The following CARF variants were observed in gnomAD, a reference collection of about 807,000 sequenced individuals.
CARF encodes the protein calcium-responsive transcription factor.
In CARF, 57 loss-of-function variants were observed where a neutral mutation model predicts 82.0. That is an observed-to-expected ratio of 0.70 (90% CI 0.56 to 0.87). CARF has a LOEUF of 0.87. Ranked by LOEUF, CARF falls within the 40% of genes least tolerant of loss-of-function variation. The pLI is 0.00. For missense variants in CARF, 771 were observed against 855.8 expected (o/e 0.90, Z 1.24); for synonymous variants, 268 against 290.1 (o/e 0.92, Z 0.77).
At chr2:202,918,845 A>G (rs933763466) in intron 2 of CARF, among the ~76,000 whole-genome samples, 2 of 152,226 alleles carry the variant, frequency 1.3e-5, no homozygotes, top group African/African-American at 4.8e-5. Context: ...ACTTTTCCGT[A>G]TAGAAACTAC....
chr2:202,941,335 C>A (rs1439521296), intron 3 of CARF, among the ~76,000 whole-genome samples: 2 of 151,910 alleles, frequency 1.3e-5, no homozygotes, highest in Non-Finnish European at 2.9e-5. Context: ...GTATATATTT[C>A]TTCATTTTCT....
At chr2:202,971,799 A>G (rs937494508) in intron 12 of CARF, 61 bp downstream of exon 12, 2 of 1,243,156 alleles carry the variant, frequency 1.6e-6, no homozygotes, top group African/African-American at 1.5e-5. Flanking sequence ...TTTAAATAAT[A>G]CAGTGAACAT....
chr2:202,965,285 G>T (rs184443740), intron 9 of CARF, among the ~76,000 whole-genome samples: 1 of 151,894 alleles, frequency 6.6e-6, no homozygotes, highest in African/African-American at 2.4e-5. Flanking sequence ...ATACCTCCTC[G>T]GTGTGCTGTG....
At chr2:202,916,125 C>T (rs1422712087) in intron 1 of CARF, among the ~76,000 whole-genome samples, 6 of 151,696 alleles carry the variant, frequency 4.0e-5, no homozygotes, top group African/African-American at 1.2e-4. Flanking sequence ...CTAAAAGATG[C>T]GGTAAATTTT....
intron 16 of CARF, among the ~76,000 whole-genome samples, 182 bp downstream of exon 16, chr2:202,982,623 A>G (rs1411332324): frequency 6.6e-6 from 1 of 152,192 alleles, no homozygotes; most frequent in Non-Finnish European, 1.5e-5. Flanking sequence ...TTTTAACCTT[A>G]AATTTTCTTC....
chr2:202,975,780 C>T (rs1242039987), intron 13 of CARF, among the ~76,000 whole-genome samples: 2 of 152,076 alleles, frequency 1.3e-5, no homozygotes, highest in East Asian at 1.9e-4. Context: ...CGCGTTGGCT[C>T]ATGCCTATAA....
At chr2:202,952,756 G>A in intron 6 of CARF, 77 bp downstream of exon 6, 1 of 1,430,306 alleles carries the variant, frequency 7.0e-7, no homozygotes, top group East Asian at 2.4e-5. Context: ...CCTTATGAAA[G>A]TCAGTGCTAA....
At chr2:202,972,773 G>C (rs1459714229) in intron 12 of CARF, among the ~76,000 whole-genome samples, 1 of 149,694 alleles carries the variant, frequency 6.7e-6, no homozygotes, top group Non-Finnish European at 1.5e-5. Context: ...ACTTAGCCTT[G>C]CTCTTACTGA....
At chr2:202,980,857 T>A (rs1343158086) in intron 14 of CARF, among the ~76,000 whole-genome samples, 1 of 151,702 alleles carries the variant, frequency 6.6e-6, no homozygotes, top group East Asian at 1.9e-4. Context: ...ATTTAAAGTT[T>A]GTGGGAGGAT....
At chr2:202,945,779 C>T (rs1052732936) in intron 5 of CARF, among the ~76,000 whole-genome samples, 6 of 152,098 alleles carry the variant, frequency 3.9e-5, no homozygotes, top group African/African-American at 1.4e-4. Flanking sequence ...CATTCATGTG[C>T]ATGTGTCTTT....
chr2:202,958,245 A>ATG (rs1325936946), intron 8 of CARF, among the ~76,000 whole-genome samples: 2 of 26,266 alleles, frequency 7.6e-5, no homozygotes, highest in African/African-American at 2.4e-4. Context: ...ATGTATATAC[A>ATG]TATATGTGTG....
chr2:202,982,447 T>C lies in CARF; in HGVS notation c.2059+6T>C, dbSNP rs2060304731. 9 of 1,613,448 alleles carry C rather than the reference T, an allele frequency of 5.6e-6. No homozygotes were observed. The highest frequency in any genetic ancestry group is 1.7e-4 in the Middle Eastern group (1 of 6,058). ...AGACAACCACTCAGCTCTTAGTAAGTTGAAATCAATTTATGATGTTATTGT... is the reference window on the plus strand; with the variant it reads ...AGACAACCACTCAGCTCTTAGTAAGCTGAAATCAATTTATGATGTTATTGT... On this transcript the variant is annotated splice_donor_region_variant and intron_variant, in intron 16 of 16. Transcript: ENST00000438828.
At chr2:202,923,219 G>A (rs1280551700) in intron 2 of CARF, among the ~76,000 whole-genome samples, 2 of 152,158 alleles carry the variant, frequency 1.3e-5, no homozygotes, top group African/African-American at 4.8e-5. Context: ...TCCAGCCTGG[G>A]CAAAAGAGTG....
chr2:202,975,522 G>A (rs930166397), intron 13 of CARF, among the ~76,000 whole-genome samples: 5 of 152,118 alleles, frequency 3.3e-5, no homozygotes, highest in African/African-American at 9.7e-5. Flanking sequence ...GGTAGGAATC[G>A]CTTGAACCTG....
Position 202,986,885 on chromosome 2 carries a change from T to TACATATATATATATATATATATAC in CARF, c.*3262_*3263insCATATATATATATATATATATACA, listed in dbSNP as rs1553584566. On this transcript the variant is annotated 3_prime_UTR_variant, in exon 17 of 17. Coordinates refer to ENST00000438828, the MANE Select transcript of CARF (RefSeq NM_024744.17). ...GTCTGTGCGTATATATATATATATATATATATATATATATATATATATAGC... is the reference window on the plus strand; with the variant it reads ...GTCTGTGCGTATATATATATATATATACATATATATATATATATATATACATATATATATATATATATATATAGC... The TACATATATATATATATATATATAC allele has an allele frequency of 2.1e-5, 2 of 94,346 alleles. No homozygotes were observed. The highest frequency in any genetic ancestry group is 6.2e-5 in the African/African-American group (2 of 32,226). The allele number at this position is 94,346 out of a possible 1,614,324, so 5.8% of individuals were successfully genotyped here.
At chr2:202,948,958 A>G (rs1252306435) in intron 5 of CARF, among the ~76,000 whole-genome samples, 1 of 152,010 alleles carries the variant, frequency 6.6e-6, no homozygotes, top group African/African-American at 2.4e-5. Flanking sequence ...GCTTTTGCCT[A>G]TTTACTATGA....
At chr2:202,971,340 A>T (rs912974089) in intron 11 of CARF, among the ~76,000 whole-genome samples, 165 bp from the exon 12 acceptor site, 32 of 152,130 alleles carry the variant, frequency 2.1e-4, no homozygotes, top group African/African-American at 9.6e-5. Flanking sequence ...AGATCATTTT[A>T]AATTTTATTT....
intron 3 of CARF, among the ~76,000 whole-genome samples, chr2:202,933,861 C>CTTTT (rs1413433449): frequency 2.2e-4 from 26 of 117,982 alleles, no homozygotes; most frequent in Admixed American, 1.6e-3. Flanking sequence ...TCTTTTCTTT[C>CTTTT]CTTTCTTTTC....
At chr2:202,914,960 T>G (rs557312178) in intron 1 of CARF, among the ~76,000 whole-genome samples, 1 of 152,146 alleles carries the variant, frequency 6.6e-6, no homozygotes, top group South Asian at 2.1e-4. Context: ...TTTTTTTTAT[T>G]TTTTTATTTT....
Sources: gnomAD v4.1 joint callset for allele counts (sites outside exome capture counted in the v4.1 genomes callset) on GRCh38, gnomAD v4.1.1 for gene constraint, MANE v1.5 for transcripts, NCBI Gene and HGNC (gene_info 2026-07-23, HGNC 2026-07-21) for gene names.